TBC1D12: variants seen among roughly 807,000 people sequenced by gnomAD.
The protein encoded by TBC1D12 is TBC1 domain family member 12, also known as TBC1 domain family, member 12.
TBC1D12 carries 56 observed loss-of-function variants against 86.7 expected under a neutral mutation model. The ratio of observed to expected loss-of-function variants is 0.65; its 90% CI spans 0.52 to 0.81. The LOEUF (loss-of-function observed/expected upper bound fraction) is 0.81, where lower values mean the gene tolerates loss of function less well. Among genes scored for constraint, TBC1D12 ranks in the 30% least tolerant of loss-of-function variants. TBC1D12 has a pLI of 0.00. For missense variants in TBC1D12, 1,023 were observed against 1,038.8 expected, an observed-to-expected ratio of 0.98 and a Z score of 0.21; for synonymous variants, 421 against 411.7, an observed-to-expected ratio of 1.02 and a Z score of -0.27.
At chr10:94,472,126 C>T (rs1357951939) in intron 2 of TBC1D12, among the ~76,000 whole-genome samples, 1 of 152,098 alleles carries the variant, frequency 6.6e-6, no homozygotes, top group Non-Finnish European at 1.5e-5. Context: ...TTTCATCAGC[C>T]AGGCACAGTG....
chr10:94,406,209 A>G (rs1209140235), intron 1 of TBC1D12, among the ~76,000 whole-genome samples: 2 of 152,100 alleles, frequency 1.3e-5, no homozygotes, highest in East Asian at 1.9e-4. Flanking sequence ...AGGAATTTTG[A>G]TTTAATTTGT....
rs1230939292 is a variant in TBC1D12 at position 94,533,095 on chromosome 10, A to G, written c.2327A>G (p.Ter776TrpextTer7). The G allele has an allele frequency of 1.3e-6, 2 of 1,582,928 alleles. No individual in the cohort carries two copies. The highest frequency in any genetic ancestry group is 1.7e-6 in the Non-Finnish European group (2 of 1,163,640). The change falls in exon 13 of 13, where the codon TAG (stop) becomes TGG (tryptophan). Residue 776 changes from the stop codon to tryptophan, a stop_lost. Coordinates refer to ENST00000225235, the MANE Select transcript of TBC1D12 (RefSeq NM_015188.2). ...DKNSSPALKS[*>W] The stretch of plus-strand genomic sequence containing the variant: ...AACAGTAGTCCTGCTTTGAAAAGCT[A>G]GTCTTCAAAATTGACAGACTAACTG...
intron 9 of TBC1D12, among the ~76,000 whole-genome samples, chr10:94,518,616 C>G (rs1842063709): frequency 6.6e-6 from 1 of 152,022 alleles, no homozygotes; most frequent in African/African-American, 2.4e-5. Context: ...AACAATGTAT[C>G]TTTTTTAGTG....
chr10:94,450,638 C>T (rs937162233), intron 2 of TBC1D12, among the ~76,000 whole-genome samples: 5 of 151,950 alleles, frequency 3.3e-5, no homozygotes, highest in African/African-American at 7.3e-5. Context: ...AAAACAGTAA[C>T]GATCGAGCAA....
In TBC1D12 at chr10:94,535,835, TC is replaced by T. The variant is rs1366398839; in HGVS notation, c.*2740del. The stretch of plus-strand genomic sequence containing the variant: ...TATTATTGTACAGTTTCTTTACCTT[TC>T]AAGTATAAATGTGTATATAAAATGT... On this transcript the variant is annotated 3_prime_UTR_variant, in exon 13 of 13. Transcript: ENST00000225235. The T allele has an allele frequency of 6.6e-6, 1 of 152,158 alleles. No individual in the cohort carries two copies. Among genetic ancestry groups the T allele is most frequent in the East Asian group, 1.9e-4 (1 of 5,200 alleles). 9.4% of individuals were successfully genotyped at this position (152,158 alleles called of 1,614,324 possible).
chr10:94,418,706 G>A (rs2055033740), intron 1 of TBC1D12, among the ~76,000 whole-genome samples: 1 of 151,556 alleles, frequency 6.6e-6, no homozygotes, highest in East Asian at 1.9e-4. Flanking sequence ...CGAGTAGCTG[G>A]GATTACAGTC....
At chr10:94,511,495 A>G (rs1013323812) in intron 8 of TBC1D12, 88 bp from the exon 9 acceptor site, 3 of 825,482 alleles carry the variant, frequency 3.6e-6, no homozygotes, top group Non-Finnish European at 6.1e-6. Context: ...GTCATTTAGG[A>G]AATGCTACAG....
At chr10:94,423,982 C>G (rs2055114006) in intron 1 of TBC1D12, among the ~76,000 whole-genome samples, 1 of 152,124 alleles carries the variant, frequency 6.6e-6, no homozygotes. Flanking sequence ...TGAACATGAA[C>G]AGACTTTTTT....
chr10:94,487,328 A>G (rs2056179511), intron 3 of TBC1D12, among the ~76,000 whole-genome samples: 2 of 151,026 alleles, frequency 1.3e-5, no homozygotes, highest in South Asian at 4.2e-4. Context: ...GTTATTGGTA[A>G]GTAAGAACTT....
At chr10:94,525,185 G>T (rs573362531) in intron 11 of TBC1D12, among the ~76,000 whole-genome samples, 102 of 152,290 alleles carry the variant, frequency 6.7e-4, no homozygotes, top group Admixed American at 1.5e-3. Flanking sequence ...AGAGAGGTGG[G>T]ATTTTAGAAC....
intron 3 of TBC1D12, among the ~76,000 whole-genome samples, chr10:94,484,397 C>T (rs2056128672): frequency 6.6e-6 from 1 of 151,938 alleles, no homozygotes; most frequent in Non-Finnish European, 1.5e-5. Flanking sequence ...CAGGCCACCA[C>T]ACCCAGCTAA....
At chr10:94,423,268 C>T (rs2055101540) in intron 1 of TBC1D12, among the ~76,000 whole-genome samples, 1 of 151,804 alleles carries the variant, frequency 6.6e-6, no homozygotes, top group Non-Finnish European at 1.5e-5. Flanking sequence ...TTGTTCAATG[C>T]ATGCTTTCTA....
chr10:94,495,418 C>G (rs1033990480), intron 4 of TBC1D12, among the ~76,000 whole-genome samples: 15 of 152,200 alleles, frequency 9.9e-5, no homozygotes, highest in African/African-American at 3.6e-4. Context: ...ATTCTCCCAC[C>G]TGGGCCTCCC....
intron 1 of TBC1D12, among the ~76,000 whole-genome samples, chr10:94,417,118 G>A (rs1444347817): frequency 6.6e-6 from 1 of 152,114 alleles, no homozygotes; most frequent in African/African-American, 2.4e-5. Flanking sequence ...ACTACATTTC[G>A]GAACGGTGAC....
chr10:94,483,269 TA>T (rs1275433790), intron 3 of TBC1D12, among the ~76,000 whole-genome samples: 2 of 152,172 alleles, frequency 1.3e-5, no homozygotes, highest in East Asian at 3.9e-4. Flanking sequence ...TTCTTTTGGG[TA>T]TATACCTAGC....
intron 2 of TBC1D12, among the ~76,000 whole-genome samples, chr10:94,447,910 G>A (rs1038134521): frequency 6.7e-6 from 1 of 149,420 alleles, no homozygotes; most frequent in East Asian, 1.9e-4. Context: ...GCATATTTAT[G>A]TCAAACTGAT....
At chr10:94,505,834 G>C (rs773390726) in intron 6 of TBC1D12, among the ~76,000 whole-genome samples, 1 of 152,010 alleles carries the variant, frequency 6.6e-6, no homozygotes, top group Non-Finnish European at 1.5e-5. Context: ...TACTAACGTG[G>C]AACAACCTCT....
At chr10:94,499,072 A>G (rs1011909130) in intron 5 of TBC1D12, among the ~76,000 whole-genome samples, 1 of 152,120 alleles carries the variant, frequency 6.6e-6, no homozygotes, top group Non-Finnish European at 1.5e-5. Context: ...GCCTGGTGCA[A>G]TGTGTTGTTT....
intron 4 of TBC1D12, among the ~76,000 whole-genome samples, chr10:94,496,496 A>C (rs2056323110): frequency 6.6e-6 from 1 of 152,200 alleles, no homozygotes. Context: ...CATGTGAGTT[A>C]TGTCAGAAAA....
Sources: gnomAD v4.1 joint callset for allele counts (sites outside exome capture counted in the v4.1 genomes callset) on GRCh38, gnomAD v4.1.1 for gene constraint, MANE v1.5 for transcripts, NCBI Gene and HGNC (gene_info 2026-07-23, HGNC 2026-07-21) for gene names.